Variants in FLT1 observed in about 807,000 individuals in gnomAD.
The protein encoded by FLT1 is vascular endothelial growth factor receptor 1.
FLT1 carries 49 observed loss-of-function variants against 156.3 expected under a neutral mutation model. That is an observed-to-expected ratio of 0.31 (90% CI 0.25 to 0.40). The LOEUF is 0.40. Among genes scored for constraint, FLT1 ranks in the 10% least tolerant of loss-of-function variants. The pLI is 1.00. For missense variants in FLT1, 1,322 were observed against 1,637.2 expected (o/e 0.81, Z 3.32); for synonymous variants, 594 against 583.8 (o/e 1.02, Z -0.25).
At chr13:28,471,784 C>G (rs1446906555) in intron 1 of FLT1, among the ~76,000 whole-genome samples, 7 of 152,114 alleles carry the variant, frequency 4.6e-5, no homozygotes, top group African/African-American at 1.7e-4. Flanking sequence ...TTTTGTCCTC[C>G]CAATAAATGA....
intron 3 of FLT1, among the ~76,000 whole-genome samples, chr13:28,459,040 C>A (rs769285006): frequency 6.6e-6 from 1 of 152,226 alleles, no homozygotes; most frequent in Admixed American, 6.5e-5. Flanking sequence ...CAAAACCTGA[C>A]CTTGCACTAG....
At chr13:28,358,049 A>G (rs1370457851) in intron 14 of FLT1, among the ~76,000 whole-genome samples, 2 of 151,342 alleles carry the variant, frequency 1.3e-5, no homozygotes, top group East Asian at 1.9e-4. Context: ...AATAATAACA[A>G]CTATCATTGA....
rs1555236531 is a variant in FLT1, at chr13:28,412,381, T to TTTCTTTCTTTCTTTCTTTCCTTCC, written c.1437-6488_1437-6487insGGAAGGAAAGAAAGAAAGAAAGAA. ...CTTTCTTTCTTTCTTTCTTTCTTTC[T>TTTCTTTCTTTCTTTCTTTCCTTCC]TTCTTTCTTTCTTTCTTTCTTTCTT... On this transcript the variant is annotated intron_variant, in intron 10 of 29. Coordinates refer to ENST00000282397, the MANE Select transcript of FLT1 (RefSeq NM_002019.4). Among the ~76,000 whole-genome samples, 70 of 88,278 alleles carry TTTCTTTCTTTCTTTCTTTCCTTCC rather than the reference T, an allele frequency of 7.9e-4. 2 individuals carry two copies. Among genetic ancestry groups the TTTCTTTCTTTCTTTCTTTCCTTCC allele is most frequent in the African/African-American group, 2.5e-3 (67 of 26,518 alleles). 57.9% of individuals were successfully genotyped at this position (88,278 alleles called of 152,430 possible). A position where few individuals can be genotyped will look rare whatever the true frequency, so the allele number is the denominator to read the frequency against.
rs1467618117 is a variant in FLT1, at chr13:28,439,496, A to T, written c.389-1151T>A. Among the ~76,000 whole-genome samples, 2 of 152,242 alleles carry T rather than the reference A, an allele frequency of 1.3e-5. No individual in the cohort carries two copies. The highest frequency in any genetic ancestry group is 2.4e-5 in the African/African-American group (1 of 41,466). ...CCCAGACTAGATGGTGGCTACAGTGATCATTATGGTAGAACTGTGTCCCCA... is the reference window on the plus strand; with the variant it reads ...CCCAGACTAGATGGTGGCTACAGTGTTCATTATGGTAGAACTGTGTCCCCA... On this transcript the variant is annotated intron_variant, in intron 3 of 29. Transcript: ENST00000282397. The surrounding 1 kb of genome is among the most constrained non-coding windows in gnomAD (Gnocchi z 4.1).
At chr13:28,361,859 G>A (rs1565985845) in intron 14 of FLT1, among the ~76,000 whole-genome samples, 1 of 152,186 alleles carries the variant, frequency 6.6e-6, no homozygotes, top group Non-Finnish European at 1.5e-5. Flanking sequence ...TTGAAATCTT[G>A]GTTGAGGAGT....
At chr13:28,460,747 C>T (rs1032157285) in intron 3 of FLT1, among the ~76,000 whole-genome samples, 1 of 139,002 alleles carries the variant, frequency 7.2e-6, no homozygotes, top group African/African-American at 2.7e-5. Flanking sequence ...AACTTTTAAA[C>T]TTATTATGCT....
In FLT1 at chr13:28,318,317, G is replaced by A. The variant is rs549145158; in HGVS notation, c.3287-720C>T. 4.6e-5 allele frequency among the ~76,000 whole-genome samples: 7 copies of A among 152,178 alleles called. No homozygotes were observed. In the East Asian group the frequency reaches 1.4e-3, roughly 29 times the overall value. ...GGGCTGAATGGAGTGGAATGGGGTG[G>A]GGGCTGCCCGTGGCCAGGAGTCTGC... On this transcript the variant is annotated intron_variant, in intron 24 of 29. Coordinates refer to ENST00000282397, the MANE Select transcript of FLT1 (RefSeq NM_002019.4).
At chr13:28,385,797 C>G in intron 13 of FLT1, 1 of 1,040,476 alleles carries the variant, frequency 9.6e-7, no homozygotes, top group Non-Finnish European at 1.2e-6. Flanking sequence ...AGATGCAATA[C>G]ATTACAACAT....
chr13:28,357,802 A>G (rs1593705900), intron 14 of FLT1, 117 bp from the exon 15 acceptor site: 10 of 885,070 alleles, frequency 1.1e-5, no homozygotes, highest in Non-Finnish European at 1.8e-5. Flanking sequence ...TCCGAGCTCT[A>G]GTGAACCTGG....
chr13:28,454,306 A>G (rs1372157781), intron 3 of FLT1, among the ~76,000 whole-genome samples: 1 of 152,168 alleles, frequency 6.6e-6, no homozygotes, highest in Non-Finnish European at 1.5e-5. Context: ...CCCCTGAAGT[A>G]ATACTCTTCT....
chr13:28,342,497 TA>T (rs1460734625), intron 16 of FLT1, among the ~76,000 whole-genome samples: 1 of 152,204 alleles, frequency 6.6e-6, no homozygotes, highest in Non-Finnish European at 1.5e-5. Flanking sequence ...GCAGTGGACT[TA>T]GTTGTCATGT....
At chr13:28,397,219 T>C (rs1283217657) in intron 11 of FLT1, 151 bp from the exon 12 acceptor site, 7 of 645,078 alleles carry the variant, frequency 1.1e-5, no homozygotes, top group Non-Finnish European at 1.9e-5. Flanking sequence ...GCTCTCCCCT[T>C]GCCGAGCCCC....
chr13:28,402,776 G>C (rs977625184), intron 11 of FLT1, among the ~76,000 whole-genome samples: 2 of 151,908 alleles, frequency 1.3e-5, no homozygotes, highest in African/African-American at 2.4e-5. Context: ...TTTACGTTAC[G>C]TTACGTTATG....
intron 1 of FLT1, among the ~76,000 whole-genome samples, chr13:28,475,289 T>C (rs1430187891): frequency 1.3e-5 from 2 of 152,216 alleles, no homozygotes; most frequent in Admixed American, 1.3e-4. Flanking sequence ...TTTTTATTTC[T>C]AATTTATTTG....
At chr13:28,316,929 C>T (rs1237109425) in intron 25 of FLT1, among the ~76,000 whole-genome samples, 2 of 152,142 alleles carry the variant, frequency 1.3e-5, no homozygotes, top group Non-Finnish European at 1.5e-5. Flanking sequence ...GGCCCCTATT[C>T]CTCCCAAAGG....
intron 10 of FLT1, among the ~76,000 whole-genome samples, chr13:28,419,425 A>G (rs967212727): frequency 1.3e-5 from 2 of 152,242 alleles, no homozygotes; most frequent in Non-Finnish European, 2.9e-5. Context: ...TCTAGATTCA[A>G]TAATAAAAAT....
intron 1 of FLT1, among the ~76,000 whole-genome samples, chr13:28,485,112 G>A (rs1397152082): frequency 6.6e-6 from 1 of 151,982 alleles, no homozygotes; most frequent in African/African-American, 2.4e-5. Flanking sequence ...ATATTTAAAT[G>A]CCTAATAAAT....
Position 28,470,730 on chromosome 13 carries a change from G to A in FLT1, c.65-3113C>T, listed in dbSNP as rs144459162. Among the ~76,000 whole-genome samples the A allele has an allele frequency of 2.7e-3, 417 of 152,064 alleles. 4 individuals are homozygous for A. Among genetic ancestry groups the A allele is most frequent in the African/African-American group, 9.5e-3 (395 of 41,484 alleles). On this transcript the variant is annotated intron_variant, in intron 1 of 29. Coordinates refer to ENST00000282397, the MANE Select transcript of FLT1 (RefSeq NM_002019.4). ...TTTGAGATGGAGTTTTGCTCTTGTC[G>A]CCCAGGCTGGAGTGCAATGGCACAA...
At chr13:28,455,353 C>T (rs1371851093) in intron 3 of FLT1, among the ~76,000 whole-genome samples, 2 of 152,142 alleles carry the variant, frequency 1.3e-5, no homozygotes, top group Admixed American at 6.5e-5. Context: ...CACATAAATA[C>T]AGTCAACTGA....
Sources: gnomAD v4.1 joint callset for allele counts (sites outside exome capture counted in the v4.1 genomes callset) on GRCh38, gnomAD v4.1.1 for gene constraint, Gnocchi (gnomAD v3.1) non-coding constraint, MANE v1.5 for transcripts, NCBI Gene and HGNC (gene_info 2026-07-23, HGNC 2026-07-21) for gene names.